Variants in RPS6KC1 observed in about 807,000 individuals in gnomAD.
RPS6KC1 encodes the protein inactive ribosomal protein S6 kinase delta-1.
RPS6KC1 carries 54 observed loss-of-function variants against 103.8 expected under a neutral mutation model. The ratio of observed to expected loss-of-function variants is 0.52; its 90% CI spans 0.42 to 0.65. The LOEUF (loss-of-function observed/expected upper bound fraction) is 0.65, where lower values mean the gene tolerates loss of function less well. Among genes scored for constraint, RPS6KC1 ranks in the 30% least tolerant of loss-of-function variants. The pLI is 0.00. For missense variants in RPS6KC1, 1,151 were observed against 1,253.8 expected, an observed-to-expected ratio of 0.92 and a Z score of 1.24; for synonymous variants, 439 against 438.7, an observed-to-expected ratio of 1.00 and a Z score of -0.01.
chr1:213,471,621 A>C, the RPS6KC1 span, among the ~76,000 whole-genome samples: 2 of 152,206 alleles, frequency 1.3e-5, no homozygotes, highest in Non-Finnish European at 2.9e-5. Flanking sequence ...ATTGCTACTC[A>C]TCTATCAGAT....
chr1:213,055,630 A>G (rs1325066879), intron 1 of RPS6KC1, among the ~76,000 whole-genome samples: 2 of 152,168 alleles, frequency 1.3e-5, no homozygotes, highest in African/African-American at 4.8e-5. Flanking sequence ...CAGGTAGTCT[A>G]AGTACTCTTT....
chr1:213,589,307 C>T, the RPS6KC1 span, among the ~76,000 whole-genome samples: 1,381 of 152,242 alleles, frequency 9.1e-3, 22 homozygotes, highest in African/African-American at 0.031. Context: ...CAGTCAAGGA[C>T]TCTTCTCCTA....
intron 12 of RPS6KC1, among the ~76,000 whole-genome samples, chr1:213,243,659 A>G (rs1271264736): frequency 6.6e-6 from 1 of 152,212 alleles, no homozygotes; most frequent in Non-Finnish European, 1.5e-5. Context: ...GGGCTGTATT[A>G]TGAATCCAAA....
At chr1:213,551,734 G>A in the RPS6KC1 span, among the ~76,000 whole-genome samples, 1 of 152,082 alleles carries the variant, frequency 6.6e-6, no homozygotes, top group African/African-American at 2.4e-5. Context: ...CATCGTTTAC[G>A]CCGGGGTTCT....
intron 1 of RPS6KC1, among the ~76,000 whole-genome samples, chr1:213,062,758 TG>T (rs1175906203): frequency 2.0e-5 from 3 of 152,166 alleles, no homozygotes; most frequent in African/African-American, 7.2e-5. Flanking sequence ...GGTTTCACCA[TG>T]TTGGCCAGGA....
At chr1:213,765,615 T>G in the RPS6KC1 span, among the ~76,000 whole-genome samples, 3 of 152,162 alleles carry the variant, frequency 2.0e-5, no homozygotes, top group East Asian at 5.8e-4. Context: ...ACCGCAAAAC[T>G]TCCCCCAACT....
chr1:213,768,949 G>A, the RPS6KC1 span, among the ~76,000 whole-genome samples: 1 of 152,306 alleles, frequency 6.6e-6, no homozygotes, highest in Middle Eastern at 3.4e-3. Context: ...TATTTAAAGG[G>A]GAGAGTGAAG....
At chr1:213,115,018 T>C (rs2083435657) in intron 4 of RPS6KC1, among the ~76,000 whole-genome samples, 1 of 152,230 alleles carries the variant, frequency 6.6e-6, no homozygotes, top group Admixed American at 6.5e-5. Flanking sequence ...AATTCTCTTT[T>C]TTTGTTGTGT....
chr1:213,591,533 G>A, the RPS6KC1 span, among the ~76,000 whole-genome samples: 1 of 152,168 alleles, frequency 6.6e-6, no homozygotes, highest in African/African-American at 2.4e-5. Context: ...CAATGGCACT[G>A]CAGCCTTGTG....
chr1:213,560,646 CTTG>C, the RPS6KC1 span, among the ~76,000 whole-genome samples: 1 of 152,162 alleles, frequency 6.6e-6, no homozygotes, highest in Non-Finnish European at 1.5e-5. Context: ...TCTGCCTGGC[CTTG>C]TGACCGACAG....
At chr1:213,634,772 G>A in the RPS6KC1 span, among the ~76,000 whole-genome samples, 1 of 149,208 alleles carries the variant, frequency 6.7e-6, no homozygotes, top group African/African-American at 2.5e-5. Context: ...AATATGAGAG[G>A]GGAAATAAAA....
the RPS6KC1 span, among the ~76,000 whole-genome samples, chr1:213,363,175 G>A: frequency 6.6e-6 from 1 of 152,076 alleles, no homozygotes; most frequent in Non-Finnish European, 1.5e-5. Context: ...CTGTTTCCTC[G>A]GTGGGTCAGT....
At chr1:213,117,059 G>C (rs1318537924) in intron 4 of RPS6KC1, among the ~76,000 whole-genome samples, 1 of 152,098 alleles carries the variant, frequency 6.6e-6, no homozygotes, top group Non-Finnish European at 1.5e-5. Flanking sequence ...AGAAAGTACA[G>C]AGTTTTCTCA....
At chr1:213,839,291 C>CTT in the RPS6KC1 span, among the ~76,000 whole-genome samples, 4 of 152,190 alleles carry the variant, frequency 2.6e-5, no homozygotes, top group Non-Finnish European at 5.9e-5. Flanking sequence ...CCTGTCAAAA[C>CTT]TTTAAGTTTC....
intron 6 of RPS6KC1, among the ~76,000 whole-genome samples, chr1:213,142,068 T>A (rs1204425501): frequency 6.6e-6 from 1 of 152,092 alleles, no homozygotes; most frequent in Non-Finnish European, 1.5e-5. Flanking sequence ...GTTGGGTGCA[T>A]ATATATTTAG....
At chr1:213,659,934 C>T in the RPS6KC1 span, among the ~76,000 whole-genome samples, 3 of 152,176 alleles carry the variant, frequency 2.0e-5, no homozygotes, top group Non-Finnish European at 4.4e-5. Flanking sequence ...AAGCATTGAA[C>T]TTATTCCTTT....
At chr1:213,622,240 T>TTTA in the RPS6KC1 span, among the ~76,000 whole-genome samples, 1 of 151,270 alleles carries the variant, frequency 6.6e-6, no homozygotes, top group Non-Finnish European at 1.5e-5. Context: ...AATGTCTTTT[T>TTTA]TTTTTTTTTT....
At chr1:213,602,012 T>TTTCTTTCTTTCTTTCTTTCTTTCTTTC in the RPS6KC1 span, among the ~76,000 whole-genome samples, 1 of 38,786 alleles carries the variant, frequency 2.6e-5, no homozygotes, top group East Asian at 1.4e-3. Flanking sequence ...TTTTCTTTTC[T>TTTCTTTCTTTCTTTCTTTCTTTCTTTC]TTTCTTTCTT....
chr1:213,821,284 AGC>A, the RPS6KC1 span: 2 of 152,332 alleles, frequency 1.3e-5, no homozygotes, highest in Non-Finnish European at 2.9e-5. Flanking sequence ...GGAATGACTA[AGC>A]AATGAATGAA....
Sources: gnomAD v4.1 joint callset for allele counts (sites outside exome capture counted in the v4.1 genomes callset) on GRCh38, gnomAD v4.1.1 for gene constraint, MANE v1.5 for transcripts, NCBI Gene and HGNC (gene_info 2026-07-23, HGNC 2026-07-21) for gene names.